The following PFKFB4 variants were observed in gnomAD, a reference collection of about 807,000 sequenced individuals.
PFKFB4 encodes the protein 6-phosphofructo-2-kinase/fructose-2,6-biphosphatase 4, also known as 6-phosphofructo-2-kinase/fructose-2,6-bisphosphatase 4.
In PFKFB4, 42 loss-of-function variants were observed where a neutral mutation model predicts 62.8. The observed-to-expected ratio is 0.67, with a 90% confidence interval of 0.52 to 0.86. The LOEUF is 0.86. Among genes scored for constraint, PFKFB4 ranks in the 40% least tolerant of loss-of-function variants. PFKFB4 has a pLI of 0.00. For synonymous variants in PFKFB4, 204 were observed against 240.7 expected, an observed-to-expected ratio of 0.85 and a Z score of 1.41; for missense variants, 475 against 627.2, an observed-to-expected ratio of 0.76 and a Z score of 2.59.
chr3:48,523,815 C>A lies in PFKFB4; in HGVS notation c.1108G>T (p.Val370Phe). The A allele has an allele frequency of 6.2e-7, 1 of 1,614,056 alleles. No homozygotes were observed. Residue 370 changes from valine (V) to phenylalanine (F), a missense_variant, in exon 11 of 14, where the codon GTC (valine) becomes TTC (phenylalanine). Physicochemically the swap from Val to Phe is conservative, Grantham distance 50 (BLOSUM62 -1). Transcript: ENST00000232375. ...ATGATGACAGGCTCCAGTCTCTGGA[C>A]CAGGTCCTCGTAGGACTGCAAGGGC... ...YPKGESYEDL[V>F]QRLEPVIMEL...
chr3:48,560,980 C>G (rs186504194), upstream of PFKFB4: 709 of 846,598 alleles, frequency 8.4e-4, 6 homozygotes, highest in African/African-American at 0.012. Flanking sequence ...TCTCGCACCC[C>G]TCCAGCACCA....
At chr3:48,559,894 C>G, upstream of PFKFB4, 1 of 293,224 alleles carries the variant, frequency 3.4e-6, no homozygotes, top group Non-Finnish European at 6.7e-6. Flanking sequence ...GCCAAACCAT[C>G]CCACCACACA....
At chr3:48,548,123 T>C (rs1053398341) in intron 3 of PFKFB4, 1 of 152,138 alleles carries the variant, frequency 6.6e-6, no homozygotes, top group Non-Finnish European at 1.5e-5. Flanking sequence ...TTTGAATTAA[T>C]CCCAAATATC....
chr3:48,552,209 C>G (rs2043176704), intron 1 of PFKFB4, among the ~76,000 whole-genome samples: 1 of 152,236 alleles, frequency 6.6e-6, no homozygotes, highest in Non-Finnish European at 1.5e-5. Context: ...TATCCAAGAG[C>G]CTGGGCACTT....
At chr3:48,548,972 G>C (rs1484754677) in intron 3 of PFKFB4, among the ~76,000 whole-genome samples, 1 of 152,148 alleles carries the variant, frequency 6.6e-6, no homozygotes, top group Admixed American at 6.5e-5. Flanking sequence ...TGGCAGCCTG[G>C]TAGCCACTGG....
Position 48,536,336 on chromosome 3 carries a change from G to A in PFKFB4, c.760C>T (p.Leu254Phe). ...AGCTCGCTCTCCCCGTGCCGGCAGA[G>A]GTAGATGGAGCGGGGGGTCACGTGG... Reference protein sequence around the residue: ...NIHVTPRSIYLCRHGESELNL... With the variant: ...NIHVTPRSIYFCRHGESELNL... The change falls in exon 8 of 14, where the codon CTC (leucine) becomes TTC (phenylalanine). Residue 254 changes from leucine to phenylalanine, a missense_variant. Leu to Phe is a conservative substitution (Grantham distance 22). Transcript: ENST00000232375. The A allele has an allele frequency of 6.2e-7, 1 of 1,614,228 alleles. No homozygotes were observed. Among genetic ancestry groups the A allele is most frequent in the Non-Finnish European group, 8.5e-7 (1 of 1,180,038 alleles).
Position 48,518,053 on chromosome 3 carries a change from C to T in PFKFB4, c.*1694G>A, listed in dbSNP as rs1291718864. Reference sequence around the variant, plus strand: ...CATGCACTGTTGCTGACCAAGGGAACCCACTATGGCTAACAAATGAGTGTG... The same window carrying T: ...CATGCACTGTTGCTGACCAAGGGAATCCACTATGGCTAACAAATGAGTGTG... On this transcript the variant is annotated 3_prime_UTR_variant, in exon 14 of 14. Coordinates refer to ENST00000232375, the MANE Select transcript of PFKFB4 (RefSeq NM_004567.4). 1.3e-5 allele frequency: 2 copies of T among 152,316 alleles called. No homozygotes were observed. Among genetic ancestry groups the T allele is most frequent in the East Asian group, 3.8e-4 (2 of 5,204 alleles). 9.4% of individuals were successfully genotyped at this position (152,316 alleles called of 1,614,324 possible). A position where few individuals can be genotyped will look rare whatever the true frequency, so the allele number is the denominator to read the frequency against.
intron 12 of PFKFB4, among the ~76,000 whole-genome samples, chr3:48,522,377 A>G (rs1469498159): frequency 6.6e-6 from 1 of 151,938 alleles, no homozygotes; most frequent in Non-Finnish European, 1.5e-5. Flanking sequence ...CCCCCAAACC[A>G]CCCACATTCC....
At chr3:48,552,453 C>A (rs1396007356) in intron 1 of PFKFB4, among the ~76,000 whole-genome samples, 1 of 152,250 alleles carries the variant, frequency 6.6e-6, no homozygotes, top group African/African-American at 2.4e-5. Context: ...AAGGAGGAGA[C>A]CCCATGAAAC....
At chr3:48,562,713 G>A (rs423561), upstream of PFKFB4, 6,119 of 1,387,924 alleles carry the variant, frequency 4.4e-3, 22 homozygotes, top group Non-Finnish European at 5.5e-3. The surrounding 1 kb of genome is among the most constrained non-coding windows in gnomAD (Gnocchi z 4.3). Context: ...GGCAGCATCC[G>A]TCCAGCTGTG....
At position 48,537,489 on chromosome 3, in the gene PFKFB4, G is replaced by A. The variant is rs184697294; in HGVS notation, c.632+1009C>T. The stretch of plus-strand genomic sequence containing the variant: ...CCCCAAAAGCATTCATCTCAGAGTT[G>A]CTTGTGTTTCTTGGTTCATGTGCAT... On this transcript the variant is annotated intron_variant, in intron 7 of 13. Transcript: ENST00000232375. 3.3e-3 allele frequency among the ~76,000 whole-genome samples: 478 copies of A among 146,086 alleles called. 2 individuals are homozygous for A. Among genetic ancestry groups the A allele is most frequent in the African/African-American group, 0.012 (458 of 39,334 alleles).
upstream of PFKFB4, chr3:48,562,805 G>A (rs897149630): frequency 1.3e-6 from 2 of 1,558,304 alleles, no homozygotes; most frequent in African/African-American, 1.4e-5. The surrounding 1 kb of genome is among the most constrained non-coding windows in gnomAD (Gnocchi z 4.3). Context: ...GCCGACACGG[G>A]CCAGGATGCG....
rs993333008 is a variant in PFKFB4, at chr3:48,556,368, C to A, written c.97+313G>T. ...CACAGGGTCCTCCCCAGACTGGGGG[C>A]GATGGGGATTGGAGAGGGAAGCGAG... On this transcript the variant is annotated intron_variant, in intron 1 of 13. Transcript: ENST00000232375. The surrounding 1 kb of genome is among the most constrained non-coding windows in gnomAD (Gnocchi z 5.7). The A allele has an allele frequency of 5.9e-5, 32 of 542,792 alleles. No homozygotes were observed. The highest frequency in any genetic ancestry group is 1.1e-4 in the Non-Finnish European group (31 of 294,446). The allele number at this position is 542,792 out of a possible 1,614,324, so 33.6% of individuals were successfully genotyped here.
At chr3:48,537,516 CTT>C (rs34454675) in intron 7 of PFKFB4, among the ~76,000 whole-genome samples, 2,921 of 91,234 alleles carry the variant, frequency 0.032, 41 homozygotes, top group African/African-American at 0.13. Flanking sequence ...CATGTGCATC[CTT>C]TTTTTTTTTT....
chr3:48,555,175 C>T (rs1013205400), intron 1 of PFKFB4, among the ~76,000 whole-genome samples: 2 of 152,128 alleles, frequency 1.3e-5, no homozygotes, highest in Non-Finnish European at 2.9e-5. Flanking sequence ...TCCCCGCCTC[C>T]AGAAGAGTCT....
chr3:48,544,439 A>AT (rs2042899220), intron 3 of PFKFB4, among the ~76,000 whole-genome samples: 1 of 132,228 alleles, frequency 7.6e-6, no homozygotes, highest in Admixed American at 7.6e-5. Context: ...CAGTTTTCAG[A>AT]TCTTTTTTTT....
Position 48,518,957 on chromosome 3 carries a change from T to C in PFKFB4, c.*790A>G, listed in dbSNP as rs1034853142. ...GGTAACTTCCTGCCCTGTCTTGAAGTGGTTTCACTGTGAGAGCAGGCCTGA... is the reference window on the plus strand; with the variant it reads ...GGTAACTTCCTGCCCTGTCTTGAAGCGGTTTCACTGTGAGAGCAGGCCTGA... On this transcript the variant is annotated 3_prime_UTR_variant, in exon 14 of 14. Transcript: ENST00000232375. 3 of 152,080 alleles carry C rather than the reference T, an allele frequency of 2.0e-5. No individual in the cohort carries two copies. The highest frequency in any genetic ancestry group is 7.2e-5 in the African/African-American group (3 of 41,426). The allele number at this position is 152,080 out of a possible 1,614,324, so 9.4% of individuals were successfully genotyped here.
chr3:48,548,736 A>T (rs1560175961), intron 3 of PFKFB4: 1 of 152,206 alleles, frequency 6.6e-6, no homozygotes, highest in South Asian at 2.1e-4. Context: ...TCTACTTTTT[A>T]TCTGGCTCAA....
chr3:48,524,689 C>G (rs73831580), intron 10 of PFKFB4, among the ~76,000 whole-genome samples: 4,873 of 152,260 alleles, frequency 0.032, 235 homozygotes, highest in African/African-American at 0.1. Flanking sequence ...AAGAGCTATA[C>G]TATCCTGAGG....
Sources: gnomAD v4.1 joint callset for allele counts (sites outside exome capture counted in the v4.1 genomes callset) on GRCh38, gnomAD v4.1.1 for gene constraint, Gnocchi (gnomAD v3.1) non-coding constraint, MANE v1.5 for transcripts, NCBI Gene and HGNC (gene_info 2026-07-23, HGNC 2026-07-21) for gene names.